GALR1: variants seen among roughly 807,000 people sequenced by gnomAD.
GALR1 encodes galanin receptor 1, also known as galanin receptor type 1.
Under a neutral mutation model 17.9 loss-of-function variants are expected in GALR1, and 11 were observed. That is an observed-to-expected ratio of 0.62 (90% CI 0.39 to 1.02). The LOEUF (loss-of-function observed/expected upper bound fraction) is 1.02, where lower values mean the gene tolerates loss of function less well. Among genes scored for constraint, GALR1 ranks in the 50% least tolerant of loss-of-function variants. The pLI is 0.01. For missense variants in GALR1, 441 were observed against 456.9 expected (o/e 0.97, Z 0.32); for synonymous variants, 206 against 205.7 (o/e 1.00, Z -0.01).
At chr18:77,256,253 T>G in intron 2 of GALR1, 30 bp downstream of exon 2, 5 of 1,185,156 alleles carry the variant, frequency 4.2e-6, no homozygotes, top group Non-Finnish European at 5.0e-6. Flanking sequence ...ATATATATGT[T>G]ACTTTTCAGA....
intron 1 of GALR1, among the ~76,000 whole-genome samples, chr18:77,253,034 T>TCACCACCAC (rs1221810035): frequency 6.8e-5 from 3 of 43,926 alleles, no homozygotes; most frequent in African/African-American, 2.6e-4. Context: ...ATCACCACCA[T>TCACCACCAC]CACCACCACC....
chr18:77,266,454 G>A (rs1056959127), intron 2 of GALR1, among the ~76,000 whole-genome samples: 7 of 152,178 alleles, frequency 4.6e-5, no homozygotes, highest in African/African-American at 1.7e-4. Context: ...AACTGTTCCA[G>A]CCTCTGCCTA....
chr18:77,263,500 C>T (rs925559993), intron 2 of GALR1, among the ~76,000 whole-genome samples: 7 of 152,190 alleles, frequency 4.6e-5, no homozygotes, highest in African/African-American at 1.7e-4. Flanking sequence ...AAAGGTCATA[C>T]AACCAGCTTA....
rs1913072948 is a variant in GALR1 at position 77,271,918 on chromosome 18, T to C, written c.*3016T>C. On this transcript the variant is annotated 3_prime_UTR_variant, in exon 3 of 3. Coordinates refer to ENST00000299727, the MANE Select transcript of GALR1 (RefSeq NM_001480.4). The stretch of plus-strand genomic sequence containing the variant: ...GGAAACGTTTTCTTGTCCTATATCC[T>C]GGGGATAGGAAACAGATTCTCTGTG... The C allele has an allele frequency of 6.6e-6, 1 of 152,242 alleles. No individual in the cohort carries two copies. Among genetic ancestry groups the C allele is most frequent in the Non-Finnish European group, 1.5e-5 (1 of 68,056 alleles). The allele number at this position is 152,242 out of a possible 1,614,324, so 9.4% of individuals were successfully genotyped here.
At position 77,268,697 on chromosome 18, in the gene GALR1, T is replaced by G; in HGVS notation, c.845T>G (p.Phe282Cys). ...GTTTTCCCGCTGACGCCGGCTTCCT[T>G]CCTCTTCAGAATCACCGCCCACTGC... ...FGVFPLTPASFLFRITAHCLA... is the reference protein window; with the variant it reads ...FGVFPLTPASCLFRITAHCLA... The change falls in exon 3 of 3, where the codon TTC (phenylalanine) becomes TGC (cysteine). Residue 282 changes from phenylalanine to cysteine, a missense_variant. Physicochemically the swap from Phe to Cys is radical, Grantham distance 205. Coordinates refer to ENST00000299727, the MANE Select transcript of GALR1 (RefSeq NM_001480.4). 1 of 1,614,162 alleles carries G rather than the reference T, an allele frequency of 6.2e-7. No individual in the cohort carries two copies. The highest frequency in any genetic ancestry group is 8.5e-7 in the Non-Finnish European group (1 of 1,180,024).
At chr18:77,252,904 ACC>A (rs1202390668) in intron 1 of GALR1, among the ~76,000 whole-genome samples, 3 of 64,150 alleles carry the variant, frequency 4.7e-5, no homozygotes, top group African/African-American at 1.5e-4. Context: ...CATCACCACC[ACC>A]ACCACCACCA....
chr18:77,268,512 G>T (rs1353851953), intron 2 of GALR1, 73 bp from the exon 3 acceptor site: 8 of 989,044 alleles, frequency 8.1e-6, no homozygotes, highest in African/African-American at 3.3e-5. Flanking sequence ...TGTAATCAAT[G>T]AATTTCCTTC....
Position 77,268,809 on chromosome 18 carries a change from G to A in GALR1, c.957G>A (p.Lys319=). 6.2e-7 allele frequency: 1 copy of A among 1,613,930 alleles called. No homozygotes were observed. Among genetic ancestry groups the A allele is most frequent in the Non-Finnish European group, 8.5e-7 (1 of 1,179,872 alleles). ...GGAAGGCCTATAAACAAGTGTTCAAGTGTCACATTCGCAAAGATTCACACC... is the reference window on the plus strand; with the variant it reads ...GGAAGGCCTATAAACAAGTGTTCAAATGTCACATTCGCAAAGATTCACACC... ...NFRKAYKQVF[K]CHIRKDSHLS... The change falls in exon 3 of 3, where the codon AAG becomes AAA. Residue 319 remains lysine, a synonymous_variant. Transcript: ENST00000299727.
chr18:77,271,862 G>A lies in GALR1; in HGVS notation c.*2960G>A, dbSNP rs1420775297. The A allele has an allele frequency of 6.6e-6, 1 of 152,202 alleles. No individual in the cohort carries two copies. The highest frequency in any genetic ancestry group is 1.9e-4 in the East Asian group (1 of 5,198). The allele number at this position is 152,202 out of a possible 1,614,324, so 9.4% of individuals were successfully genotyped here. On this transcript the variant is annotated 3_prime_UTR_variant, in exon 3 of 3. Coordinates refer to ENST00000299727, the MANE Select transcript of GALR1 (RefSeq NM_001480.4). ...TTCACATGCATAAGCAACCATTTCA[G>A]TGTCCTGCTGATGAATACAGTGATG...
chr18:77,267,745 G>A (rs1452451384), intron 2 of GALR1, among the ~76,000 whole-genome samples: 1 of 152,188 alleles, frequency 6.6e-6, no homozygotes, highest in Admixed American at 6.5e-5. Context: ...AAGCTATCTA[G>A]CTCTTGTCTT....
At position 77,258,573 on chromosome 18, in the gene GALR1, G is replaced by A. The variant is rs1434512893; in HGVS notation, c.732+2350G>A. 7.7e-3 allele frequency among the ~76,000 whole-genome samples: 394 copies of A among 50,998 alleles called. 2 individuals are homozygous for A. Among genetic ancestry groups the A allele is most frequent in the Non-Finnish European group, 0.014 (307 of 22,318 alleles). 33.5% of individuals were successfully genotyped at this position (50,998 alleles called of 152,430 possible). A position where few individuals can be genotyped will look rare whatever the true frequency, so the allele number is the denominator to read the frequency against. On this transcript the variant is annotated intron_variant, in intron 2 of 2. Coordinates refer to ENST00000299727, the MANE Select transcript of GALR1 (RefSeq NM_001480.4). ...GATGGTGGTGGTCATAGTGGGGGTG[G>A]TGGTGGTCATGGTGGTGATGGTGGT...
intron 2 of GALR1, among the ~76,000 whole-genome samples, chr18:77,267,002 G>A (rs1195894267): frequency 1.3e-5 from 2 of 152,234 alleles, no homozygotes; most frequent in Non-Finnish European, 2.9e-5. Flanking sequence ...CTATGTCTGA[G>A]AGAAAGAAGT....
At position 77,274,942 on chromosome 18, in the gene GALR1, A is replaced by G. The variant is rs1913126330; in HGVS notation, c.*6040A>G. ...TTCTGTGAATGTTGAGGGGTTCACA[A>G]AGTGGCTTGGCCTCAGACCTCTATA... On this transcript the variant is annotated 3_prime_UTR_variant, in exon 3 of 3. Transcript: ENST00000299727. 1 of 152,232 alleles carries G rather than the reference A, an allele frequency of 6.6e-6. No individual in the cohort carries two copies. Among genetic ancestry groups the G allele is most frequent in the Non-Finnish European group, 1.5e-5 (1 of 68,046 alleles). 9.4% of individuals were successfully genotyped at this position (152,232 alleles called of 1,614,324 possible).
rs1011253005 is a variant in GALR1, at chr18:77,271,325, T to TC, written c.*2423_*2424insC. The TC allele has an allele frequency of 1.3e-5, 2 of 148,860 alleles. No individual in the cohort carries two copies. The highest frequency in any genetic ancestry group is 3.0e-5 in the Non-Finnish European group (2 of 67,354). The allele number at this position is 148,860 out of a possible 1,614,324, so 9.2% of individuals were successfully genotyped here. The stretch of plus-strand genomic sequence containing the variant: ...AGTTAGATAGGATATACTTCCTGCA[T>TC]ATTGTCATTCTAATCAATTCCTCTT... On this transcript the variant is annotated 3_prime_UTR_variant, in exon 3 of 3. Coordinates refer to ENST00000299727, the MANE Select transcript of GALR1 (RefSeq NM_001480.4).
chr18:77,259,763 G>A (rs1281778228), intron 2 of GALR1, among the ~76,000 whole-genome samples: 1 of 151,846 alleles, frequency 6.6e-6, no homozygotes, highest in African/African-American at 2.4e-5. Context: ...GGAGAGAGGA[G>A]CAGAGAAAGG....
At chr18:77,255,410 G>A (rs1912563229) in intron 1 of GALR1, among the ~76,000 whole-genome samples, 1 of 152,300 alleles carries the variant, frequency 6.6e-6, no homozygotes, top group Non-Finnish European at 1.5e-5. Context: ...CCCTGACAGG[G>A]ACATTAATTG....
chr18:77,254,853 G>T (rs1403034689), intron 1 of GALR1, among the ~76,000 whole-genome samples: 1 of 152,218 alleles, frequency 6.6e-6, no homozygotes. Context: ...TGTTGCAGAT[G>T]TTGCTGAGTC....
chr18:77,263,623 G>A (rs982042703), intron 2 of GALR1, among the ~76,000 whole-genome samples: 14 of 152,126 alleles, frequency 9.2e-5, no homozygotes, highest in Non-Finnish European at 1.5e-4. Context: ...TCGCTAGTAG[G>A]ATTTGTCCTG....
intron 2 of GALR1, among the ~76,000 whole-genome samples, chr18:77,258,568 G>GAT (rs1568141201): frequency 6.6e-4 from 15 of 22,688 alleles, no homozygotes; most frequent in Admixed American, 2.4e-3. Flanking sequence ...GTCATAGTGG[G>GAT]GGTGGTGGTG....
Sources: gnomAD v4.1 joint callset for allele counts (sites outside exome capture counted in the v4.1 genomes callset) on GRCh38, gnomAD v4.1.1 for gene constraint, MANE v1.5 for transcripts, NCBI Gene and HGNC (gene_info 2026-07-23, HGNC 2026-07-21) for gene names.